LAMB2: variants seen among roughly 807,000 people sequenced by gnomAD.
The protein encoded by LAMB2 is laminin subunit beta 2, also known as laminin subunit beta-2.
A neutral mutation model predicts 202.7 loss-of-function variants in LAMB2; 119 were observed. That is an observed-to-expected ratio of 0.59 (90% CI 0.51 to 0.68). LAMB2 has a LOEUF of 0.68. LAMB2 is among the 30% of genes least tolerant of loss of function. The pLI is 0.00. For missense variants in LAMB2, 2,124 were observed against 2,410.6 expected, an observed-to-expected ratio of 0.88 and a Z score of 2.49; for synonymous variants, 818 against 902.2, an observed-to-expected ratio of 0.91 and a Z score of 1.67.
At chr3:49,127,114 C>A (rs540665673) in intron 15 of LAMB2, among the ~76,000 whole-genome samples, 7 of 152,178 alleles carry the variant, frequency 4.6e-5, no homozygotes, top group South Asian at 2.1e-4. Flanking sequence ...GCCTCCCAAG[C>A]AGCTGGAACC....
chr3:49,127,491 C>G (rs1356441868), intron 15 of LAMB2, among the ~76,000 whole-genome samples: 1 of 151,920 alleles, frequency 6.6e-6, no homozygotes, highest in South Asian at 2.1e-4. Context: ...GTCAGGAGAT[C>G]GAGACCATCC....
At chr3:49,121,412 C>T (rs1306479976) in intron 31 of LAMB2, 21 bp downstream of exon 31, 3 of 1,614,100 alleles carry the variant, frequency 1.9e-6, no homozygotes, top group Non-Finnish European at 2.5e-6. Context: ...AGTCTTGTGT[C>T]TCTGGTGCCC....
chr3:49,121,332 C>A lies in LAMB2; in HGVS notation c.5291G>T (p.Arg1764Leu). The change falls in exon 32 of 32, where the codon CGG becomes CTG. Residue 1764 changes from arginine to leucine, a missense_variant. Arg to Leu is a moderately radical substitution (Grantham distance 102, BLOSUM62 -2). This residue lies in a region of LAMB2 where 1,702 missense variants were observed against 1,896.3 expected (regional missense o/e 0.90). Coordinates refer to ENST00000305544, the MANE Select transcript of LAMB2 (RefSeq NM_002292.4). Reference protein sequence around the residue: ...ELEGTYEENERALESKAAQLD... With the variant: ...ELEGTYEENELALESKAAQLD... ...CTGGGCTGCCTTACTCTCCAGTGCCCGCTCATTTTCCTCATAGGTGCCTTC... is the reference window on the plus strand; with the variant it reads ...CTGGGCTGCCTTACTCTCCAGTGCCAGCTCATTTTCCTCATAGGTGCCTTC... 1 of 1,614,016 alleles carries A rather than the reference C, an allele frequency of 6.2e-7. No homozygotes were observed. The highest frequency in any genetic ancestry group is 8.5e-7 in the Non-Finnish European group (1 of 1,180,038).
At chr3:49,124,145 T>C in intron 23 of LAMB2, 45 bp from the exon 24 acceptor site, 14 of 1,614,110 alleles carry the variant, frequency 8.7e-6, no homozygotes, top group Non-Finnish European at 1.1e-5. Context: ...CTGTGGGGCA[T>C]TCTGGGAAGT....
intron 15 of LAMB2, 34 bp from the exon 16 acceptor site, chr3:49,126,531 T>C (rs1296443203): frequency 6.2e-7 from 1 of 1,613,272 alleles, no homozygotes; most frequent in Non-Finnish European, 8.5e-7. Context: ...CAGTGGGTCA[T>C]CTAGGGGCCC....
Position 49,122,926 on chromosome 3 carries a change from G to A in LAMB2, c.4351C>T (p.Leu1451=). 6.2e-7 allele frequency: 1 copy of A among 1,608,940 alleles called. No homozygotes were observed. The highest frequency in any genetic ancestry group is 8.5e-7 in the Non-Finnish European group (1 of 1,179,950). The change falls in exon 27 of 32, where the codon CTA becomes TTA. Residue 1451 remains leucine (L), a synonymous_variant. Coordinates refer to ENST00000305544, the MANE Select transcript of LAMB2 (RefSeq NM_002292.4). ...GTGTGCCGGGCCCGGCCCAGTGCTA[G>A]GTCTGCTGTAGCCGCTGCCCCATTG... is the stretch of plus-strand genomic sequence containing the variant. ...SCNGAAATAD[L]ALGRARHTQA...
At position 49,122,384 on chromosome 3, in the gene LAMB2, G is replaced by T. The variant is rs1457181401; in HGVS notation, c.4574-14C>A. 1 of 1,610,472 alleles carries T rather than the reference G, an allele frequency of 6.2e-7. No homozygotes were observed. Among genetic ancestry groups the T allele is most frequent in the Admixed American group, 1.7e-5 (1 of 60,026 alleles). On this transcript the variant is annotated splice_polypyrimidine_tract_variant and intron_variant, in intron 27 of 31. Coordinates refer to ENST00000305544, the MANE Select transcript of LAMB2 (RefSeq NM_002292.4). Reference sequence around the variant, plus strand: ...CAGCCCCCTCCTCTATAGGGACACAGCAAGAACTTAAGAACATAGATTCTC... The same window carrying T: ...CAGCCCCCTCCTCTATAGGGACACATCAAGAACTTAAGAACATAGATTCTC...
At position 49,125,138 on chromosome 3, in the gene LAMB2, G is replaced by A; in HGVS notation, c.2752C>T (p.Leu918=). 6.2e-7 allele frequency: 1 copy of A among 1,613,672 alleles called. No homozygotes were observed. ...GGCCGGCACTGGCCCCCATATGGCAGCCGTGGGTCCCCGTGGAAACCAGCA... is the reference window on the plus strand; with the variant it reads ...GGCCGGCACTGGCCCCCATATGGCAACCGTGGGTCCCCGTGGAAACCAGCA... ...CIAGFHGDPR[L]PYGGQCRPCP... The change falls in exon 20 of 32, where the codon CTG becomes TTG. Residue 918 remains leucine, a synonymous_variant. Transcript: ENST00000305544.
At chr3:49,125,507 C>T (rs1244396715) in intron 18 of LAMB2, 23 bp from the exon 19 acceptor site, 8 of 1,559,430 alleles carry the variant, frequency 5.1e-6, no homozygotes, top group Admixed American at 1.9e-5. Flanking sequence ...CAGAGCTGAG[C>T]CAGAGCCAGG....
rs1278895494 is a variant in LAMB2 at position 49,132,527 on chromosome 3, A to G, written c.213T>C (p.Asn71=). Residue 71 remains asparagine, a synonymous_variant, in exon 2 of 32, where the codon AAT becomes AAC. Coordinates refer to ENST00000305544, the MANE Select transcript of LAMB2 (RefSeq NM_002292.4). The surrounding 1 kb of genome is among the most constrained non-coding windows in gnomAD (Gnocchi z 4.6). ...TGACGATGCAGTAGGGCTGGGGGCCATTCAGGCCACAAGTGGATGAGGCAG... is the reference window on the plus strand; with the variant it reads ...TGACGATGCAGTAGGGCTGGGGGCCGTTCAGGCCACAAGTGGATGAGGCAG... ...RLTASSTCGL[N]GPQPYCIVSH... The G allele has an allele frequency of 2.5e-6, 4 of 1,613,644 alleles. No individual in the cohort carries two copies. Among genetic ancestry groups the G allele is most frequent in the Non-Finnish European group, 3.4e-6 (4 of 1,180,024 alleles).
In LAMB2 at chr3:49,123,476, A is replaced by G; in HGVS notation, c.3953T>C (p.Leu1318Pro). The G allele has an allele frequency of 6.2e-7, 1 of 1,614,162 alleles. No individual in the cohort carries two copies. Among genetic ancestry groups the G allele is most frequent in the African/African-American group, 1.3e-5 (1 of 75,060 alleles). ...NLTLRQLDQH[L>P]DLLKHSNFLG... Reference sequence around the variant, plus strand: ...GAAGTTTGAATGTTTGAGCAAGTCAAGATGCTGGTCGAGCTGCCGCAGTGT... The same window carrying G: ...GAAGTTTGAATGTTTGAGCAAGTCAGGATGCTGGTCGAGCTGCCGCAGTGT... Residue 1318 changes from leucine (L) to proline (P), a missense_variant, in exon 25 of 32, where the codon CTT becomes CCT. Around this residue, in one of 3 missense-constraint regions of LAMB2, gnomAD observed 1,702 missense variants for 1,896.3 expected, o/e 0.90. Coordinates refer to ENST00000305544, the MANE Select transcript of LAMB2 (RefSeq NM_002292.4).
rs201406827 is a variant in LAMB2, at chr3:49,131,103, C to A, written c.762G>T (p.Thr254=). The change falls in exon 7 of 32, where the codon ACG becomes ACT. Residue 254 remains threonine (T), a synonymous_variant. Coordinates refer to ENST00000305544, the MANE Select transcript of LAMB2 (RefSeq NM_002292.4). This position sits in a 1 kb window ranked among gnomAD's most constrained non-coding sequence, Gnocchi z 5.0. ...GTGGGTCGAGTAGGTTGTCTCCCAA[C>A]GTGTGTAGACGAGTCAGGTTCACCC... ...NLRVNLTRLH[T]LGDNLLDPRR... is the part of the protein sequence containing the mutation. The A allele has an allele frequency of 3.7e-6, 6 of 1,613,766 alleles. No homozygotes were observed. The highest frequency in any genetic ancestry group is 5.1e-6 in the Non-Finnish European group (6 of 1,180,034).
At position 49,128,669 on chromosome 3, in the gene LAMB2, C is replaced by G. The variant is rs763825655; in HGVS notation, c.1882G>C (p.Glu628Gln). 2.5e-5 allele frequency: 41 copies of G among 1,614,062 alleles called. No individual in the cohort carries two copies. The highest frequency in any genetic ancestry group is 1.6e-4 in the Middle Eastern group (1 of 6,084). ...AMDYDLLLRL[E>Q]PQVPEQWAEL... ...AGATAACAGGGTCTAACCTGGGGCT[C>G]TAAGCGCAGCAGCAGGTCATAGTCC... The change falls in exon 14 of 32, where the codon GAG becomes CAG. Residue 628 changes from glutamate to glutamine, a missense_variant. Physicochemically the swap from Glu to Gln is conservative, Grantham distance 29. Transcript: ENST00000305544.
intron 15 of LAMB2, among the ~76,000 whole-genome samples, chr3:49,128,129 T>TG (rs1434593408): frequency 6.6e-6 from 1 of 151,092 alleles, no homozygotes; most frequent in East Asian, 1.9e-4. Flanking sequence ...GGCACATCCC[T>TG]GCTCAGAGTG....
Position 49,130,671 on chromosome 3 carries a change from T to C in LAMB2, c.1036+69A>G. On this transcript the variant is annotated intron_variant, in intron 8 of 31. Transcript: ENST00000305544. The surrounding 1 kb of genome is among the most constrained non-coding windows in gnomAD (Gnocchi z 5.0). ...GGTTTTAGGGGCTTGACCAACTAGC[T>C]CTAGGTTCTACCCAGGGCACAGCCA... is the stretch of plus-strand genomic sequence containing the variant. 1.2e-6 allele frequency: 2 copies of C among 1,605,778 alleles called. No individual in the cohort carries two copies. The highest frequency in any genetic ancestry group is 1.7e-6 in the Non-Finnish European group (2 of 1,177,066).
rs2045469375 is a variant in LAMB2 at position 49,130,508 on chromosome 3, G to A, written c.1037-89C>T. ...AGGCCACCTTAGATCCCTATCACAG[G>A]CCAGAATTTGTGGGTAGGGGCTCAG... is the stretch of plus-strand genomic sequence containing the variant. On this transcript the variant is annotated intron_variant, in intron 8 of 31. Coordinates refer to ENST00000305544, the MANE Select transcript of LAMB2 (RefSeq NM_002292.4). The surrounding 1 kb of genome is among the most constrained non-coding windows in gnomAD (Gnocchi z 5.0). 6.6e-7 allele frequency: 1 copy of A among 1,514,232 alleles called. No homozygotes were observed. The highest frequency in any genetic ancestry group is 1.7e-5 in the Admixed American group (1 of 59,626). 93.8% of individuals were successfully genotyped at this position (1,514,232 alleles called of 1,614,324 possible). A position where few individuals can be genotyped will look rare whatever the true frequency, so the allele number is the denominator to read the frequency against.
In LAMB2 at chr3:49,121,999, C is replaced by T; in HGVS notation, c.4868G>A (p.Gly1623Asp). The change falls in exon 29 of 32, where the codon GGT becomes GAT. Residue 1623 changes from glycine to aspartate, a missense_variant. Gly to Asp is a moderately conservative substitution (Grantham distance 94). Around this residue, in one of 3 missense-constraint regions of LAMB2, gnomAD observed 1,702 missense variants for 1,896.3 expected, o/e 0.90. Coordinates refer to ENST00000305544, the MANE Select transcript of LAMB2 (RefSeq NM_002292.4). ...GTCAGCCACTGCCCCCCGGATGGCA[C>T]CCTGGGCAATACCCTGTGCCCGCTG... ...EAQRAQGIAQGAIRGAVADTR... is the reference protein window; with the variant it reads ...EAQRAQGIAQDAIRGAVADTR... 1.2e-6 allele frequency: 2 copies of T among 1,613,908 alleles called. No homozygotes were observed. The highest frequency in any genetic ancestry group is 1.1e-5 in the South Asian group (1 of 91,090).
chr3:49,131,775 CAGAGCCATCA>C lies in LAMB2; in HGVS notation c.460-62_460-53del, dbSNP rs2045485160. 1 of 1,593,346 alleles carries C rather than the reference CAGAGCCATCA, an allele frequency of 6.3e-7. No homozygotes were observed. Among genetic ancestry groups the C allele is most frequent in the Non-Finnish European group, 8.6e-7 (1 of 1,166,992 alleles). On this transcript the variant is annotated intron_variant, in intron 4 of 31. Transcript: ENST00000305544. This position sits in a 1 kb window ranked among gnomAD's most constrained non-coding sequence, Gnocchi z 5.0. ...CAGGCACCAGGACCCAAGCCCAACC[CAGAGCCATCA>C]AGAGCCCTGCTCAGCCCAAGACTGC...
rs577456934 is a variant in LAMB2, at chr3:49,132,624, A to G, written c.116T>C (p.Val39Ala). ...ATLAQAPAPDVPGCSRGSCYP... is the reference protein window; with the variant it reads ...ATLAQAPAPDAPGCSRGSCYP... The stretch of plus-strand genomic sequence containing the variant: ...GCAGCTTCCCCTGGAACAGCCAGGC[A>G]CATCCGGGGCAGGGGCCTGTGCCAG... The change falls in exon 2 of 32, where the codon GTG becomes GCG. Residue 39 changes from valine to alanine, a missense_variant. Transcript: ENST00000305544. This position sits in a 1 kb window ranked among gnomAD's most constrained non-coding sequence, Gnocchi z 4.6. The G allele has an allele frequency of 6.2e-7, 1 of 1,613,872 alleles. No individual in the cohort carries two copies. Among genetic ancestry groups the G allele is most frequent in the African/African-American group, 1.3e-5 (1 of 74,940 alleles).
Sources: gnomAD v4.1 joint callset for allele counts (sites outside exome capture counted in the v4.1 genomes callset) on GRCh38, gnomAD v4.1.1 for gene constraint, gnomAD v4.1.1 regional missense constraint, Gnocchi (gnomAD v3.1) non-coding constraint, MANE v1.5 for transcripts, NCBI Gene and HGNC (gene_info 2026-07-23, HGNC 2026-07-21) for gene names.